LMBRD1: variants seen among roughly 807,000 people sequenced by gnomAD.
LMBRD1 encodes LMBR1 domain containing 1.
Under a neutral mutation model 74.8 loss-of-function variants are expected in LMBRD1, and 64 were observed. That is an observed-to-expected ratio of 0.86 (90% CI 0.70 to 1.05). LMBRD1 has a LOEUF of 1.05. LMBRD1 is among the 50% of genes least tolerant of loss of function. The probability of loss-of-function intolerance (pLI) is 0.00; values close to 1 mark genes in which losing one functional copy is unlikely to be tolerated. For synonymous variants in LMBRD1, 204 were observed against 216.3 expected (o/e 0.94, Z 0.50); for missense variants, 652 against 645.9 (o/e 1.01, Z -0.10).
chr6:69,736,841 A>G (rs933741255), intron 7 of LMBRD1, among the ~76,000 whole-genome samples: 5 of 152,186 alleles, frequency 3.3e-5, no homozygotes, highest in Admixed American at 1.3e-4. Context: ...TTTGTTATTA[A>G]CTTGTGACTA....
chr6:69,749,412 G>T lies in LMBRD1; in HGVS notation c.406-4C>A, dbSNP rs778691310. 6.2e-7 allele frequency: 1 copy of T among 1,609,806 alleles called. No individual in the cohort carries two copies. The highest frequency in any genetic ancestry group is 1.1e-5 in the South Asian group (1 of 90,954). On this transcript the variant is annotated splice_polypyrimidine_tract_variant and splice_region_variant and intron_variant, in intron 4 of 15. Coordinates refer to ENST00000649934, the MANE Select transcript of LMBRD1 (RefSeq NM_018368.4). ...ACTTGAGTGCCGTTTTAATTTGCTA[G>T]ATGCCAAGGAGAAAAAAGTATAACA...
intron 9 of LMBRD1, 77 bp downstream of exon 9, chr6:69,713,568 G>A (rs1365059045): frequency 1.4e-6 from 2 of 1,451,522 alleles, no homozygotes; most frequent in East Asian, 2.3e-5. Flanking sequence ...GCCTCAAAAG[G>A]AGAGCTCAAT....
intron 2 of LMBRD1, 34 bp from the exon 3 acceptor site, chr6:69,780,588 A>ACATGG: frequency 6.7e-7 from 1 of 1,499,040 alleles, no homozygotes. Flanking sequence ...AATATTAATG[A>ACATGG]AACACCCATT....
At chr6:69,712,537 C>T (rs1200608679) in intron 9 of LMBRD1, among the ~76,000 whole-genome samples, 1 of 151,502 alleles carries the variant, frequency 6.6e-6, no homozygotes, top group East Asian at 1.9e-4. Context: ...ATAATTGGAA[C>T]ATTATTCAGC....
chr6:69,700,871 T>A lies in LMBRD1; in HGVS notation c.1084-2A>T. On this transcript the variant is annotated splice_acceptor_variant, in intron 11 of 15. Coordinates refer to ENST00000649934, the MANE Select transcript of LMBRD1 (RefSeq NM_018368.4). LOFTEE classifies it high-confidence loss of function. ...AAGAATATAATCAAGAGGGAAAACC[T>A]GAAAAAAAAAGATGAAATTAAATTT... 7.3e-7 allele frequency: 1 copy of A among 1,368,258 alleles called. No individual in the cohort carries two copies. The highest frequency in any genetic ancestry group is 1.5e-5 in the African/African-American group (1 of 67,264). The allele number at this position is 1,368,258 out of a possible 1,614,324, so 84.8% of individuals were successfully genotyped here.
chr6:69,699,774 C>A (rs1766086560), intron 12 of LMBRD1, among the ~76,000 whole-genome samples: 1 of 151,738 alleles, frequency 6.6e-6, no homozygotes, highest in Admixed American at 6.6e-5. Context: ...ACTTAGGTAT[C>A]ACCTCCCTGT....
intron 2 of LMBRD1, 93 bp downstream of exon 2, chr6:69,790,203 C>T: frequency 1.2e-6 from 1 of 838,896 alleles, no homozygotes; most frequent in Non-Finnish European, 2.0e-6. Flanking sequence ...CATTCATTCC[C>T]AGATACAAAA....
chr6:69,781,945 GA>G (rs1562124972), intron 2 of LMBRD1, among the ~76,000 whole-genome samples: 1 of 151,994 alleles, frequency 6.6e-6, no homozygotes, highest in Non-Finnish European at 1.5e-5. Flanking sequence ...AAATAAATTT[GA>G]AAAAGACCAA....
intron 6 of LMBRD1, among the ~76,000 whole-genome samples, chr6:69,741,015 T>C (rs1245837256): frequency 6.6e-6 from 1 of 152,054 alleles, no homozygotes; most frequent in Non-Finnish European, 1.5e-5. Context: ...AAATTTATAA[T>C]AAAACATTTA....
intron 1 of LMBRD1, among the ~76,000 whole-genome samples, chr6:69,796,231 T>C (rs1369619729): frequency 1.3e-5 from 2 of 152,052 alleles, no homozygotes; most frequent in African/African-American, 2.4e-5. Context: ...CACAGGTATC[T>C]ACACCAATCA....
chr6:69,792,247 T>G (rs1766103787), intron 1 of LMBRD1, among the ~76,000 whole-genome samples: 1 of 152,220 alleles, frequency 6.6e-6, no homozygotes, highest in Non-Finnish European at 1.5e-5. Flanking sequence ...TGCCCTTTAA[T>G]GTCTTCTCAT....
chr6:69,719,532 AGTTT>A (rs1202890401), intron 7 of LMBRD1, among the ~76,000 whole-genome samples: 1 of 152,162 alleles, frequency 6.6e-6, no homozygotes, highest in Non-Finnish European at 1.5e-5. Flanking sequence ...TACATTATAA[AGTTT>A]ATTTAAAAGT....
chr6:69,739,380 A>G (rs766530155), intron 6 of LMBRD1, among the ~76,000 whole-genome samples: 1 of 151,546 alleles, frequency 6.6e-6, no homozygotes, highest in Non-Finnish European at 1.5e-5. Flanking sequence ...TTCTCTTTAT[A>G]TATTAGGGGG....
intron 12 of LMBRD1, 91 bp from the exon 13 acceptor site, chr6:69,699,283 A>C: frequency 6.3e-6 from 7 of 1,108,000 alleles, no homozygotes; most frequent in Non-Finnish European, 9.5e-6. Context: ...TGATTTACAC[A>C]GTTCAATCAA....
rs73481729 is a variant in LMBRD1, at chr6:69,732,774, T to G, written c.636+5168A>C. On this transcript the variant is annotated intron_variant, in intron 7 of 15. Coordinates refer to ENST00000649934, the MANE Select transcript of LMBRD1 (RefSeq NM_018368.4). ...AACAATTTAGCAGTCACTGCTTCTA[T>G]AGGCAGTTCACTGGTCCATACGATA... Among the ~76,000 whole-genome samples, 1,053 of 152,300 alleles carry G rather than the reference T, an allele frequency of 6.9e-3. 15 individuals carry two copies. Among genetic ancestry groups the G allele is most frequent in the African/African-American group, 0.021 (880 of 41,570 alleles).
chr6:69,758,587 A>G (rs1253751425), intron 3 of LMBRD1, among the ~76,000 whole-genome samples: 1 of 152,144 alleles, frequency 6.6e-6, no homozygotes, highest in Non-Finnish European at 1.5e-5. Flanking sequence ...GAATGAACTT[A>G]GTACTCTCAT....
intron 6 of LMBRD1, among the ~76,000 whole-genome samples, chr6:69,738,627 CACAA>C (rs1461456821): frequency 1.3e-5 from 2 of 148,648 alleles, no homozygotes; most frequent in Admixed American, 6.6e-5. Context: ...CACACACACA[CACAA>C]AATACTATGC....
intron 11 of LMBRD1, 112 bp from the exon 12 acceptor site, chr6:69,700,981 C>A: frequency 1.3e-6 from 1 of 770,034 alleles, no homozygotes; most frequent in Non-Finnish European, 1.9e-6. Flanking sequence ...TTTACAGTAT[C>A]AACCTTGATT....
intron 2 of LMBRD1, 40 bp from the exon 3 acceptor site, chr6:69,780,594 C>T (rs1765811271): frequency 6.9e-7 from 1 of 1,451,014 alleles, no homozygotes; most frequent in South Asian, 1.1e-5. Flanking sequence ...AATGAAACAC[C>T]CATTTGCCTA....
Sources: allele counts gnomAD v4.1 joint callset (sites outside exome capture counted in the v4.1 genomes callset), GRCh38; gene constraint gnomAD v4.1.1; transcripts MANE v1.5; gene names NCBI Gene and HGNC (gene_info 2026-07-23, HGNC 2026-07-21).